The following HCN1 variants were observed in gnomAD, a reference collection of about 807,000 sequenced individuals.
HCN1 encodes the protein hyperpolarization activated cyclic nucleotide gated potassium channel 1.
HCN1 carries 13 observed loss-of-function variants against 78.9 expected under a neutral mutation model. The ratio of observed to expected loss-of-function variants is 0.16; its 90% CI spans 0.11 to 0.26. The LOEUF is 0.26. Among genes scored for constraint, HCN1 ranks in the 10% least tolerant of loss-of-function variants. HCN1 has a pLI of 1.00. For synonymous variants in HCN1, 552 were observed against 455.5 expected (o/e 1.21, Z -2.70); for missense variants, 810 against 1,154.3 (o/e 0.70, Z 4.32).
intron 2 of HCN1, among the ~76,000 whole-genome samples, chr5:45,611,154 C>T (rs1744826800): frequency 6.6e-6 from 1 of 150,666 alleles, no homozygotes; most frequent in East Asian, 1.9e-4. Flanking sequence ...GGGTTCAAGA[C>T]ATCCTCCTGA....
chr5:45,654,211 C>G (rs1236215570), intron 1 of HCN1, among the ~76,000 whole-genome samples: 1 of 152,006 alleles, frequency 6.6e-6, no homozygotes, highest in Non-Finnish European at 1.5e-5. Flanking sequence ...AAGTCTATAG[C>G]TTTTATTAAA....
rs1219638689 is a variant in HCN1 at position 45,560,821 on chromosome 5, T to C, written c.849+84364A>G. On this transcript the variant is annotated intron_variant, in intron 2 of 7. Coordinates refer to ENST00000303230, the MANE Select transcript of HCN1 (RefSeq NM_021072.4). ...GTCATATTGCTTTTAGTATTTTTCA[T>C]ATTTTCTTTAAAGATTCATTTTCTG... Among the ~76,000 whole-genome samples, 4 of 152,226 alleles carry C rather than the reference T, an allele frequency of 2.6e-5. No individual in the cohort carries two copies. In the East Asian group the frequency reaches 7.7e-4, roughly 29 times the overall value.
intron 1 of HCN1, among the ~76,000 whole-genome samples, chr5:45,677,050 T>TG (rs2112083240): frequency 6.6e-6 from 1 of 151,964 alleles, no homozygotes; most frequent in South Asian, 2.1e-4. Context: ...TCTTCACAGA[T>TG]GCCTGAAACA....
chr5:45,316,023 C>T (rs1357766619), intron 5 of HCN1, among the ~76,000 whole-genome samples: 1 of 152,158 alleles, frequency 6.6e-6, no homozygotes, highest in African/African-American at 2.4e-5. Context: ...TGAAACTATT[C>T]CAATCAATAG....
intron 2 of HCN1, among the ~76,000 whole-genome samples, chr5:45,598,470 G>A (rs558528495): frequency 5.9e-5 from 9 of 152,114 alleles, no homozygotes; most frequent in Non-Finnish European, 1.0e-4. Context: ...AACCCTTAAA[G>A]AAAACCTAGG....
At chr5:45,659,769 A>G (rs944660203) in intron 1 of HCN1, among the ~76,000 whole-genome samples, 2 of 115,968 alleles carry the variant, frequency 1.7e-5, no homozygotes, top group African/African-American at 7.6e-5. Context: ...GAATAAAAAG[A>G]AATGAGCAAA....
intron 1 of HCN1, among the ~76,000 whole-genome samples, chr5:45,654,981 A>C (rs1258777682): frequency 6.6e-6 from 1 of 152,126 alleles, no homozygotes; most frequent in East Asian, 1.9e-4. Context: ...GTTACTCTAC[A>C]GATGTCAAAG....
intron 5 of HCN1, among the ~76,000 whole-genome samples, chr5:45,331,395 A>T (rs1380064960): frequency 6.6e-6 from 1 of 151,326 alleles, no homozygotes; most frequent in African/African-American, 2.4e-5. Flanking sequence ...CCTAATTTAC[A>T]ATTATAAATA....
At chr5:45,675,033 G>C (rs983042457) in intron 1 of HCN1, among the ~76,000 whole-genome samples, 2 of 151,726 alleles carry the variant, frequency 1.3e-5, no homozygotes, top group Non-Finnish European at 2.9e-5. Flanking sequence ...TTGCTACTTA[G>C]AAAATATATA....
At chr5:45,586,461 C>T (rs1744228602) in intron 2 of HCN1, among the ~76,000 whole-genome samples, 1 of 152,152 alleles carries the variant, frequency 6.6e-6, no homozygotes, top group South Asian at 2.1e-4. Context: ...TCCCTGACCC[C>T]TTGCGCTTCC....
chr5:45,492,103 A>G (rs6451804), intron 2 of HCN1, among the ~76,000 whole-genome samples: 76,414 of 151,718 alleles, frequency 0.5, 20,716 homozygotes, highest in African/African-American at 0.71. Context: ...AAGCTAACAC[A>G]CATCATATGT....
chr5:45,424,757 C>T (rs1292768081), intron 3 of HCN1, among the ~76,000 whole-genome samples: 1 of 151,976 alleles, frequency 6.6e-6, no homozygotes, highest in Non-Finnish European at 1.5e-5. Flanking sequence ...TATTTTAGTT[C>T]TCCATTAATG....
intron 3 of HCN1, among the ~76,000 whole-genome samples, chr5:45,419,208 C>G (rs975221189): frequency 6.6e-6 from 1 of 152,070 alleles, no homozygotes; most frequent in African/African-American, 2.4e-5. Context: ...GGCATAGCAA[C>G]TAGGATAGGA....
chr5:45,572,121 G>A (rs1449318413), intron 2 of HCN1, among the ~76,000 whole-genome samples: 3 of 152,108 alleles, frequency 2.0e-5, no homozygotes, highest in Middle Eastern at 3.4e-3. Flanking sequence ...TATATCTATT[G>A]TTATCCTCCT....
chr5:45,276,196 T>C (rs1745053554), intron 6 of HCN1, among the ~76,000 whole-genome samples: 2 of 152,104 alleles, frequency 1.3e-5, no homozygotes, highest in Admixed American at 6.6e-5. Flanking sequence ...ATATTTCCCT[T>C]GATGCTCTCT....
At chr5:45,425,980 G>A (rs1454470720) in intron 3 of HCN1, among the ~76,000 whole-genome samples, 1 of 152,186 alleles carries the variant, frequency 6.6e-6, no homozygotes, top group African/African-American at 2.4e-5. Context: ...GCTGATTAAT[G>A]GTGTTGTTGT....
At chr5:45,490,498 A>G (rs952600376) in intron 2 of HCN1, among the ~76,000 whole-genome samples, 1 of 152,108 alleles carries the variant, frequency 6.6e-6, no homozygotes, top group Admixed American at 6.6e-5. Context: ...CATTCTTACC[A>G]AACTGCTTCT....
intron 5 of HCN1, among the ~76,000 whole-genome samples, chr5:45,311,239 T>A (rs760892942): frequency 6.6e-6 from 1 of 152,230 alleles, no homozygotes. Flanking sequence ...ACACCAAAAG[T>A]GAGGGAGAAA....
chr5:45,383,694 G>T (rs1033172064), intron 4 of HCN1, among the ~76,000 whole-genome samples: 4 of 151,026 alleles, frequency 2.6e-5, no homozygotes, highest in Admixed American at 6.6e-5. Context: ...CTGCACTCCA[G>T]CAAGGGTGAC....
Sources: allele counts gnomAD v4.1 joint callset (sites outside exome capture counted in the v4.1 genomes callset), GRCh38; gene constraint gnomAD v4.1.1; transcripts MANE v1.5; gene names NCBI Gene and HGNC (gene_info 2026-07-23, HGNC 2026-07-21).